Variants in USP4 observed in about 807,000 individuals in gnomAD.
USP4 encodes the protein ubiquitin specific peptidase 4, also known as ubiquitin carboxyl-terminal hydrolase 4.
USP4 carries 72 observed loss-of-function variants against 118.2 expected under a neutral mutation model. That is an observed-to-expected ratio of 0.61 (90% CI 0.50 to 0.74). USP4 has a LOEUF of 0.74. USP4 is among the 30% of genes least tolerant of loss of function. USP4 has a pLI of 0.00. For synonymous variants in USP4, 415 were observed against 440.4 expected, an observed-to-expected ratio of 0.94 and a Z score of 0.72; for missense variants, 1,037 against 1,185.7, an observed-to-expected ratio of 0.87 and a Z score of 1.84.
At position 49,294,429 on chromosome 3, in the gene USP4, G is replaced by A. The variant is rs1253034650; in HGVS notation, c.1861C>T (p.Gln621Ter). Residue 621 changes from glutamine to a stop codon, truncating the protein, a stop_gained, in exon 14 of 22, where the codon CAG becomes TAG. Transcript: ENST00000265560. LOFTEE classifies it high-confidence loss of function. Reference sequence around the variant, plus strand: ...AACCTGATACGATCACAAACAGCCTGGTACAAAGACTCAAGGGTTAACTTG... The same window carrying A: ...AACCTGATACGATCACAAACAGCCTAGTACAAAGACTCAAGGGTTAACTTG... ...KHKLTLESLY[Q>*]AVCDRISRYV... The A allele has an allele frequency of 1.2e-6, 2 of 1,613,690 alleles. No individual in the cohort carries two copies. Among genetic ancestry groups the A allele is most frequent in the Non-Finnish European group, 1.7e-6 (2 of 1,179,852 alleles).
chr3:49,280,089 C>T (rs1158492276), intron 20 of USP4, among the ~76,000 whole-genome samples: 2 of 151,964 alleles, frequency 1.3e-5, no homozygotes, highest in Non-Finnish European at 2.9e-5. Context: ...ATGCCAAAAC[C>T]CTGTCTCTAC....
At chr3:49,278,953 G>T in intron 20 of USP4, 51 bp from the exon 21 acceptor site, 2 of 1,319,700 alleles carry the variant, frequency 1.5e-6, no homozygotes, top group South Asian at 1.3e-5. Flanking sequence ...GAATTAATCT[G>T]GCTAGCTTAT....
At chr3:49,287,396 C>T (rs1244464259) in intron 15 of USP4, among the ~76,000 whole-genome samples, 4 of 152,102 alleles carry the variant, frequency 2.6e-5, no homozygotes, top group Non-Finnish European at 4.4e-5. Context: ...CCTCGTGATC[C>T]GCCCGCCCCG....
At chr3:49,308,892 C>T (rs2047349856) in intron 8 of USP4, among the ~76,000 whole-genome samples, 2 of 151,368 alleles carry the variant, frequency 1.3e-5, no homozygotes, top group African/African-American at 4.9e-5. Flanking sequence ...ATTAGCCAGG[C>T]GTGGTGGTGT....
intron 6 of USP4, 52 bp from the exon 7 acceptor site, chr3:49,311,706 C>T (rs1471118122): frequency 2.5e-6 from 4 of 1,602,602 alleles, no homozygotes; most frequent in African/African-American, 1.3e-5. Context: ...AAGAGCAAGC[C>T]CTATTTAATG....
Position 49,321,521 on chromosome 3 carries a change from C to T in USP4, c.695+3181G>A, listed in dbSNP as rs575424666. ...CTGAGACAGAGTCTCACTGTATCGCCCAAGCTGGAGTGCAGTGGCACGATC... is the reference window on the plus strand; with the variant it reads ...CTGAGACAGAGTCTCACTGTATCGCTCAAGCTGGAGTGCAGTGGCACGATC... On this transcript the variant is annotated intron_variant, in intron 6 of 21. Coordinates refer to ENST00000265560, the MANE Select transcript of USP4 (RefSeq NM_003363.4). Among the ~76,000 whole-genome samples, 7 of 151,744 alleles carry T rather than the reference C, an allele frequency of 4.6e-5. No individual in the cohort carries two copies. In the South Asian group the frequency reaches 1.2e-3, roughly 27 times the overall value.
Position 49,277,757 on chromosome 3 carries a change from CAAG to C in USP4, c.*533_*535del. 5.9e-6 allele frequency: 1 copy of C among 170,674 alleles called. No homozygotes were observed. The allele number at this position is 170,674 out of a possible 1,614,324, so 10.6% of individuals were successfully genotyped here. A position where few individuals can be genotyped will look rare whatever the true frequency, so the allele number is the denominator to read the frequency against. Reference sequence around the variant, plus strand: ...TTAGCGGGGAGAAAGCTGGAAATTACAAGATGACTCAACGGAGAAATGGGCTTC... The same window carrying C: ...TTAGCGGGGAGAAAGCTGGAAATTACATGACTCAACGGAGAAATGGGCTTC... On this transcript the variant is annotated 3_prime_UTR_variant, in exon 22 of 22. Coordinates refer to ENST00000265560, the MANE Select transcript of USP4 (RefSeq NM_003363.4).
chr3:49,317,271 G>A, intron 6 of USP4: 1 of 1,535,138 alleles, frequency 6.5e-7, no homozygotes, highest in Non-Finnish European at 9.0e-7. Flanking sequence ...GGTTCTCGTT[G>A]ACGCGGGCCA....
chr3:49,297,653 G>A (rs1163756195), intron 13 of USP4, among the ~76,000 whole-genome samples: 2 of 152,168 alleles, frequency 1.3e-5, no homozygotes, highest in African/African-American at 2.4e-5. Context: ...GCTGTGCTGA[G>A]GAGAGTTATC....
intron 16 of USP4, 54 bp downstream of exon 16, chr3:49,286,044 A>G: frequency 1.3e-6 from 2 of 1,558,396 alleles, no homozygotes; most frequent in Non-Finnish European, 1.8e-6. Flanking sequence ...AAGGATTTTC[A>G]AACAGATCCT....
intron 2 of USP4, among the ~76,000 whole-genome samples, chr3:49,333,193 G>A: frequency 6.9e-6 from 1 of 144,572 alleles, no homozygotes. Flanking sequence ...CGCCCAAGCT[G>A]GAGTGGAGTG....
chr3:49,325,565 T>C (rs1305109817), intron 4 of USP4, among the ~76,000 whole-genome samples, 154 bp downstream of exon 4: 1 of 152,120 alleles, frequency 6.6e-6, no homozygotes, highest in East Asian at 1.9e-4. Flanking sequence ...CCTGGAGGAA[T>C]AGGCCCCCAG....
At position 49,298,535 on chromosome 3, in the gene USP4, T is replaced by A; in HGVS notation, c.1596+17A>T. Reference sequence around the variant, plus strand: ...GTATCCCAAATAGACCGAGTGCCACTGATCACCCCGCCTTACATTTTCTGC... The same window carrying A: ...GTATCCCAAATAGACCGAGTGCCACAGATCACCCCGCCTTACATTTTCTGC... On this transcript the variant is annotated intron_variant, in intron 12 of 21. Coordinates refer to ENST00000265560, the MANE Select transcript of USP4 (RefSeq NM_003363.4). The A allele has an allele frequency of 2.5e-6, 4 of 1,613,704 alleles. No homozygotes were observed. Among genetic ancestry groups the A allele is most frequent in the Non-Finnish European group, 3.4e-6 (4 of 1,179,598 alleles).
In USP4 at chr3:49,277,247, C is replaced by A; in HGVS notation, c.*1046G>T. On this transcript the variant is annotated 3_prime_UTR_variant, in exon 22 of 22. Coordinates refer to ENST00000265560, the MANE Select transcript of USP4 (RefSeq NM_003363.4). ...CGCATGCGCGTGCCCCGCGCAGGCC[C>A]CAAACCCCCACGGATTAGGTTGAAG... 7.7e-7 allele frequency: 1 copy of A among 1,307,128 alleles called. No homozygotes were observed. The highest frequency in any genetic ancestry group is 1.5e-5 in the African/African-American group (1 of 66,758). The allele number at this position is 1,307,128 out of a possible 1,614,324, so 81.0% of individuals were successfully genotyped here.
At chr3:49,295,714 G>GCGCGCGCGCGCGCGCA (rs149459963) in intron 13 of USP4, among the ~76,000 whole-genome samples, 6 of 148,320 alleles carry the variant, frequency 4.0e-5, no homozygotes, top group East Asian at 1.9e-4. Flanking sequence ...GCGCGCGCGC[G>GCGCGCGCGCGCGCGCA]CACACACACA....
intron 1 of USP4, among the ~76,000 whole-genome samples, chr3:49,338,342 A>G (rs1394091998): frequency 6.6e-6 from 1 of 151,836 alleles, no homozygotes; most frequent in African/African-American, 2.4e-5. Flanking sequence ...TTCTTTATGA[A>G]CCCTATAGAG....
chr3:49,326,708 T>TTC (rs71077789), intron 3 of USP4, among the ~76,000 whole-genome samples: 1 of 27,600 alleles, frequency 3.6e-5, no homozygotes, highest in Non-Finnish European at 8.3e-5. Context: ...TCAAAGACTC[T>TTC]TTTTTTTTTT....
intron 6 of USP4, among the ~76,000 whole-genome samples, chr3:49,313,241 A>G (rs1288574809): frequency 1.3e-5 from 2 of 152,268 alleles, no homozygotes; most frequent in East Asian, 3.9e-4. Flanking sequence ...AAAAATGGCA[A>G]TAAGGCCAGG....
intron 2 of USP4, among the ~76,000 whole-genome samples, chr3:49,331,356 C>T (rs1255147858): frequency 1.3e-5 from 2 of 150,782 alleles, no homozygotes; most frequent in African/African-American, 4.9e-5. Context: ...TGTGGTGGCT[C>T]ATGCCTGTAA....
Sources: allele counts gnomAD v4.1 joint callset (sites outside exome capture counted in the v4.1 genomes callset), GRCh38; gene constraint gnomAD v4.1.1; transcripts MANE v1.5; gene names NCBI Gene and HGNC (gene_info 2026-07-23, HGNC 2026-07-21).